The following MINAR1 variants were observed in gnomAD, a reference collection of about 807,000 sequenced individuals.
MINAR1 encodes membrane integral NOTCH2 associated receptor 1.
A neutral mutation model predicts 65.1 loss-of-function variants in MINAR1; 40 were observed. The ratio of observed to expected loss-of-function variants is 0.61; its 90% CI spans 0.48 to 0.80. The LOEUF (loss-of-function observed/expected upper bound fraction) is 0.80. Ranked by LOEUF, MINAR1 falls within the 30% of genes least tolerant of loss-of-function variation. The pLI, the probability that MINAR1 is intolerant of heterozygous loss-of-function variation, is 0.00. For missense variants in MINAR1, 1,128 were observed against 1,148.0 expected (o/e 0.98, Z 0.25); for synonymous variants, 482 against 449.1 (o/e 1.07, Z -0.93).
intron 1 of MINAR1, among the ~76,000 whole-genome samples, chr15:79,451,020 C>A (rs1432280381): frequency 6.6e-6 from 1 of 152,142 alleles, no homozygotes; most frequent in Non-Finnish European, 1.5e-5. Context: ...GTAACCTATC[C>A]AACGTCACAT....
chr15:79,439,644 CTA>C (rs66755767), intron 1 of MINAR1, among the ~76,000 whole-genome samples: 182 of 151,944 alleles, frequency 1.2e-3, no homozygotes, highest in African/African-American at 4.3e-3. Context: ...CTGCCCTGTG[CTA>C]TGACAGATGG....
chr15:79,445,064 T>C (rs1334213827), intron 1 of MINAR1, among the ~76,000 whole-genome samples: 1 of 152,124 alleles, frequency 6.6e-6, no homozygotes, highest in Non-Finnish European at 1.5e-5. Context: ...GGCTATATTA[T>C]TGAGTGTCGA....
intron 3 of MINAR1, among the ~76,000 whole-genome samples, chr15:79,465,102 T>C (rs1161747494): frequency 5.3e-5 from 8 of 152,266 alleles, no homozygotes; most frequent in Non-Finnish European, 1.0e-4. Context: ...AAATAGATAT[T>C]GGGGTTACAG....
At chr15:79,431,546 C>T (rs1054503013), upstream of MINAR1, among the ~76,000 whole-genome samples, 2 of 151,564 alleles carry the variant, frequency 1.3e-5, no homozygotes, top group African/African-American at 4.9e-5. Context: ...GGGGTGGTCA[C>T]GTGACAGTCT....
chr15:79,412,818 G>A, the MINAR1 span: 4 of 152,468 alleles, frequency 2.6e-5, no homozygotes, highest in African/African-American at 9.6e-5. Flanking sequence ...ACCCATTGGA[G>A]TGTTGTGACC....
chr15:79,453,599 C>T (rs1895313936), intron 1 of MINAR1, among the ~76,000 whole-genome samples: 1 of 152,280 alleles, frequency 6.6e-6, no homozygotes. Context: ...TTCTTCCTCT[C>T]TGGTTCTCGT....
the MINAR1 span, chr15:79,421,212 T>G: frequency 6.6e-6 from 1 of 152,222 alleles, no homozygotes. Flanking sequence ...TACATAAAAT[T>G]ACTCTGTCAA....
At chr15:79,413,010 T>G in the MINAR1 span, 1 of 150,598 alleles carries the variant, frequency 6.6e-6, no homozygotes, top group African/African-American at 2.5e-5. Flanking sequence ...GAACTCATCT[T>G]ATAACACAAG....
chr15:79,465,870 T>A (rs1353699863), intron 3 of MINAR1, among the ~76,000 whole-genome samples: 1 of 152,028 alleles, frequency 6.6e-6, no homozygotes, highest in Non-Finnish European at 1.5e-5. Context: ...ATTAAACTGC[T>A]GAAGGGTGTT....
chr15:79,455,369 GAA>G (rs1407933667), intron 1 of MINAR1, among the ~76,000 whole-genome samples: 1 of 151,654 alleles, frequency 6.6e-6, no homozygotes, highest in African/African-American at 2.4e-5. Context: ...GTTTTGTTAT[GAA>G]AAGTCTTCAT....
chr15:79,415,833 G>A, the MINAR1 span: 1 of 152,200 alleles, frequency 6.6e-6, no homozygotes, highest in Non-Finnish European at 1.5e-5. Flanking sequence ...TGAGAACATA[G>A]AGACCTGGAG....
upstream of MINAR1, chr15:79,427,531 A>G (rs1319700858): frequency 6.6e-6 from 1 of 152,188 alleles, no homozygotes; most frequent in Non-Finnish European, 1.5e-5. Flanking sequence ...AGAGCTGGGG[A>G]GTGGCTCTAT....
the MINAR1 span, chr15:79,413,864 A>G: frequency 6.6e-6 from 1 of 152,198 alleles, no homozygotes; most frequent in African/African-American, 2.4e-5. Flanking sequence ...TTTTAACTTT[A>G]TGCTATTAAA....
At chr15:79,425,542 G>C in the MINAR1 span, 1 of 152,082 alleles carries the variant, frequency 6.6e-6, no homozygotes, top group Non-Finnish European at 1.5e-5. Flanking sequence ...CCTCTCCACT[G>C]TTTCCTCCTT....
At chr15:79,455,888 A>G (rs915078437) in intron 1 of MINAR1, among the ~76,000 whole-genome samples, 1 of 152,244 alleles carries the variant, frequency 6.6e-6, no homozygotes, top group African/African-American at 2.4e-5. Context: ...ACCTTTAAGC[A>G]TAATTGTTAT....
upstream of MINAR1, among the ~76,000 whole-genome samples, chr15:79,429,685 G>C (rs529186928): frequency 1.3e-5 from 2 of 152,262 alleles, no homozygotes; most frequent in South Asian, 2.1e-4. Flanking sequence ...CCATGAATTC[G>C]CGTCATCCCC....
rs201188024 is a variant in MINAR1, at chr15:79,458,267, C to T, written c.2120C>T (p.Pro707Leu). 3 of 1,614,030 alleles carry T rather than the reference C, an allele frequency of 1.9e-6. No individual in the cohort carries two copies. The African/African-American group carries it at 4.0e-5, about 22-fold the overall frequency. ...TTAAAAAAAAGCCTCTTCACCAGGC[C>T]ATCCTCTAGGTCCCTAACAGAGGAG... ...KALKKSLFTR[P>L]SSRSLTEENS... is the part of the protein sequence containing the mutation. The change falls in exon 2 of 4, where the codon CCA becomes CTA. Residue 707 changes from proline to leucine, a missense_variant. Physicochemically the swap from Pro to Leu is moderately conservative, Grantham distance 98. Coordinates refer to ENST00000305428, the MANE Select transcript of MINAR1 (RefSeq NM_015206.3).
chr15:79,456,312 T>C lies in MINAR1; in HGVS notation c.165T>C (p.Cys55=), dbSNP rs1895409762. Residue 55 remains cysteine, a synonymous_variant, in exon 2 of 4, where the codon TGT becomes TGC. Coordinates refer to ENST00000305428, the MANE Select transcript of MINAR1 (RefSeq NM_015206.3). ...KLRSVLFYTA[C]LDPNFPATLF... ...GAAGTGTGCTCTTCTACACAGCTTG[T>C]CTCGATCCCAATTTTCCAGCCACGC... is the stretch of plus-strand genomic sequence containing the variant. 1.2e-6 allele frequency: 2 copies of C among 1,614,206 alleles called. No individual in the cohort carries two copies. Among genetic ancestry groups the C allele is most frequent in the South Asian group, 1.1e-5 (1 of 91,088 alleles).
intron 3 of MINAR1, among the ~76,000 whole-genome samples, chr15:79,465,355 T>C (rs1248826320): frequency 1.3e-5 from 2 of 152,146 alleles, no homozygotes; most frequent in Non-Finnish European, 2.9e-5. Flanking sequence ...TGTTGAGATA[T>C]ACATTCACCA....
Sources: gnomAD v4.1 joint callset for allele counts (sites outside exome capture counted in the v4.1 genomes callset) on GRCh38, gnomAD v4.1.1 for gene constraint, MANE v1.5 for transcripts, NCBI Gene and HGNC (gene_info 2026-07-23, HGNC 2026-07-21) for gene names.